The following CADM2 variants were observed in gnomAD, a reference collection of about 807,000 sequenced individuals.
The protein encoded by CADM2 is immunoglobulin superfamily member 4D.
A neutral mutation model predicts 49.8 loss-of-function variants in CADM2; 12 were observed. The ratio of observed to expected loss-of-function variants is 0.24; its 90% CI spans 0.15 to 0.39. CADM2 has a LOEUF of 0.39. Ranked by LOEUF, CADM2 falls within the 10% of genes least tolerant of loss-of-function variation. The pLI, the probability that CADM2 is intolerant of heterozygous loss-of-function variation, is 1.00. For missense variants in CADM2, 378 were observed against 492.3 expected (o/e 0.77, Z 2.20); for synonymous variants, 214 against 175.4 (o/e 1.22, Z -1.74).
intron 1 of CADM2, among the ~76,000 whole-genome samples, chr3:85,384,895 C>A (rs1396400652): frequency 1.3e-5 from 2 of 151,712 alleles, no homozygotes; most frequent in Non-Finnish European, 2.9e-5. Context: ...TAAATGTTTT[C>A]CTATATCCTC....
chr3:85,295,791 A>G (rs2043945954), intron 1 of CADM2, among the ~76,000 whole-genome samples: 1 of 151,656 alleles, frequency 6.6e-6, no homozygotes, highest in South Asian at 2.1e-4. Context: ...GTTGGGGGAG[A>G]GGGGAGGGAT....
At chr3:85,742,776 CA>C (rs2107831395) in intron 2 of CADM2, among the ~76,000 whole-genome samples, 1 of 152,176 alleles carries the variant, frequency 6.6e-6, no homozygotes, top group East Asian at 1.9e-4. Context: ...TCTTCATATC[CA>C]AAGACAAAAG....
At chr3:85,813,367 T>C (rs527471216) in intron 3 of CADM2, among the ~76,000 whole-genome samples, 13 of 152,352 alleles carry the variant, frequency 8.5e-5, no homozygotes, top group African/African-American at 3.1e-4. Context: ...TGTCTGTTTA[T>C]ATGCTTTGCC....
Position 85,917,356 on chromosome 3 carries a change from G to A in CADM2, c.700+4813G>A, listed in dbSNP as rs1673822386. Among the ~76,000 whole-genome samples the A allele has an allele frequency of 2.0e-5, 3 of 152,136 alleles. No individual in the cohort carries two copies. In the South Asian group the frequency reaches 6.2e-4, roughly 32 times the overall value. On this transcript the variant is annotated intron_variant, in intron 6 of 9. Coordinates refer to ENST00000383699, the MANE Select transcript of CADM2 (RefSeq NM_001167675.2). The stretch of plus-strand genomic sequence containing the variant: ...AATTAATTTTTGTATAAGGTGTAAG[G>A]AATGGATCCAGTTTCAGCTTTCTAC...
chr3:85,770,458 C>T (rs1024070116), intron 2 of CADM2, among the ~76,000 whole-genome samples: 3 of 151,990 alleles, frequency 2.0e-5, no homozygotes, highest in Non-Finnish European at 4.4e-5. Flanking sequence ...AGACTAAAGG[C>T]ATGCACTACC....
At chr3:85,595,895 A>G (rs1161060046) in intron 1 of CADM2, among the ~76,000 whole-genome samples, 1 of 151,886 alleles carries the variant, frequency 6.6e-6, no homozygotes, top group Non-Finnish European at 1.5e-5. Flanking sequence ...CGTCTCTGTG[A>G]GATATTAAAT....
intron 1 of CADM2, among the ~76,000 whole-genome samples, chr3:85,014,010 A>T (rs2034130479): frequency 6.9e-6 from 1 of 143,904 alleles, no homozygotes; most frequent in Non-Finnish European, 1.5e-5. Flanking sequence ...ATAATATTGT[A>T]TATTATATAT....
Position 85,602,244 on chromosome 3 carries a change from T to C in CADM2, c.62-124278T>C, listed in dbSNP as rs936593388. ...TAATGCTCCCTGTTTTTAGAATGTGTTTGAGAACTTAATTATCTTGATGAC... is the reference window on the plus strand; with the variant it reads ...TAATGCTCCCTGTTTTTAGAATGTGCTTGAGAACTTAATTATCTTGATGAC... On this transcript the variant is annotated intron_variant, in intron 1 of 9. Transcript: ENST00000383699. Among the ~76,000 whole-genome samples, 6 of 151,908 alleles carry C rather than the reference T, an allele frequency of 3.9e-5. No homozygotes were observed. The East Asian group carries it at 1.2e-3, about 29-fold the overall frequency.
chr3:85,960,470 T>C (rs1307596853), intron 7 of CADM2, among the ~76,000 whole-genome samples: 1 of 151,938 alleles, frequency 6.6e-6, no homozygotes, highest in Non-Finnish European at 1.5e-5. Context: ...AGGTACTAGA[T>C]GAAGCATCAA....
chr3:85,699,475 A>G (rs565931819), intron 1 of CADM2, among the ~76,000 whole-genome samples: 116 of 152,302 alleles, frequency 7.6e-4, no homozygotes, highest in African/African-American at 2.6e-3. Context: ...ATCCTAAGAC[A>G]TCTAGGTGGA....
intron 4 of CADM2, among the ~76,000 whole-genome samples, chr3:85,885,784 A>C (rs1459044334): frequency 6.7e-6 from 1 of 148,174 alleles, no homozygotes. Flanking sequence ...CTTGGGAGGC[A>C]AAGGTTGCAG....
At chr3:86,024,169 C>T (rs1298324907) in intron 8 of CADM2, among the ~76,000 whole-genome samples, 1 of 152,202 alleles carries the variant, frequency 6.6e-6, no homozygotes, top group Non-Finnish European at 1.5e-5. Flanking sequence ...AAAGCAATGC[C>T]TCCTTTACAT....
At chr3:85,353,509 T>A (rs550183414) in intron 1 of CADM2, among the ~76,000 whole-genome samples, 1 of 151,974 alleles carries the variant, frequency 6.6e-6, no homozygotes, top group Non-Finnish European at 1.5e-5. Flanking sequence ...ATTAATTATA[T>A]TTTTTCTGTT....
At chr3:85,168,554 T>C (rs1576029403) in intron 1 of CADM2, among the ~76,000 whole-genome samples, 1 of 152,178 alleles carries the variant, frequency 6.6e-6, no homozygotes, top group Non-Finnish European at 1.5e-5. Context: ...ACATTAAAAA[T>C]ACATTTTTAT....
chr3:85,242,784 T>C (rs934155305), intron 1 of CADM2, among the ~76,000 whole-genome samples: 14 of 151,908 alleles, frequency 9.2e-5, no homozygotes, highest in African/African-American at 1.2e-4. Flanking sequence ...ATTGTGTAAA[T>C]TGATATTCAA....
intron 8 of CADM2, among the ~76,000 whole-genome samples, chr3:86,025,433 C>CT (rs111482424): frequency 4.2e-4 from 62 of 149,138 alleles, no homozygotes; most frequent in East Asian, 1.8e-3. Context: ...CTTCTAAGGA[C>CT]TTTTTTTTTT....
rs904769920 is a variant in CADM2 at position 85,077,353 on chromosome 3, T to C, written c.61+117685T>C. Among the ~76,000 whole-genome samples, 5 of 152,132 alleles carry C rather than the reference T, an allele frequency of 3.3e-5. No homozygotes were observed. In the East Asian group the frequency reaches 9.6e-4, roughly 29 times the overall value. ...TACTTATGAGGCAATGCTTTTATTT[T>C]TTTTCTTATTGTCATAAAATACCTT... On this transcript the variant is annotated intron_variant, in intron 1 of 9. Transcript: ENST00000383699.
chr3:85,801,668 G>C (rs911017098), intron 2 of CADM2, among the ~76,000 whole-genome samples: 14 of 152,114 alleles, frequency 9.2e-5, no homozygotes, highest in African/African-American at 2.9e-4. Flanking sequence ...TACTGCTTTA[G>C]AGAGTTCAAC....
chr3:85,210,087 A>G (rs1379945678), intron 1 of CADM2, among the ~76,000 whole-genome samples: 1 of 152,234 alleles, frequency 6.6e-6, no homozygotes, highest in Admixed American at 6.5e-5. Context: ...AATTTTCCAG[A>G]TAAAGCTGTA....
Sources: allele counts gnomAD v4.1 joint callset (sites outside exome capture counted in the v4.1 genomes callset), GRCh38; gene constraint gnomAD v4.1.1; transcripts MANE v1.5; gene names NCBI Gene and HGNC (gene_info 2026-07-23, HGNC 2026-07-21).